FECH: variants seen among roughly 807,000 people sequenced by gnomAD.
FECH encodes ferrochelatase.
FECH carries 40 observed loss-of-function variants against 56.9 expected under a neutral mutation model. That is an observed-to-expected ratio of 0.70 (90% CI 0.55 to 0.92). The LOEUF (loss-of-function observed/expected upper bound fraction) is 0.92. Ranked by LOEUF, FECH falls within the 40% of genes least tolerant of loss-of-function variation. The pLI is 0.00. For missense variants in FECH, 431 were observed against 529.1 expected, an observed-to-expected ratio of 0.81 and a Z score of 1.82; for synonymous variants, 175 against 198.6, an observed-to-expected ratio of 0.88 and a Z score of 1.00.
rs2050742342 is a variant in FECH, at chr18:57,548,066, C to T, written c.*2646G>A. ...AGGAGTTCAAGACCAGCCTGGACAA[C>T]ATGGCAAAACCCCATCTCTACAAAA... On this transcript the variant is annotated 3_prime_UTR_variant, in exon 11 of 11. Transcript: ENST00000262093. Among the ~76,000 whole-genome samples the T allele has an allele frequency of 6.6e-6, 1 of 151,880 alleles. No individual in the cohort carries two copies. Among genetic ancestry groups the T allele is most frequent in the Admixed American group, 6.6e-5 (1 of 15,252 alleles).
At chr18:57,559,357 A>C in intron 6 of FECH, 114 bp from the exon 7 acceptor site, 1 of 743,850 alleles carries the variant, frequency 1.3e-6, no homozygotes, top group South Asian at 1.5e-5. Context: ...AACCCTCAAA[A>C]ATCCGAACTC....
rs143122979 is a variant in FECH, at chr18:57,563,093, A to T, written c.599-113T>A. ...AAAGCAGGTAACTGCTTCTTTACTG[A>T]ATCAGTCTAATTACAATCATTTCAA... On this transcript the variant is annotated intron_variant, in intron 5 of 10. Transcript: ENST00000262093. 357 of 781,488 alleles carry T rather than the reference A, an allele frequency of 4.6e-4. 4 individuals are homozygous for T. In the African/African-American group the frequency reaches 5.3e-3, roughly 12 times the overall value. 48.4% of individuals were successfully genotyped at this position (781,488 alleles called of 1,614,324 possible).
At chr18:57,561,339 C>T (rs558826319) in intron 6 of FECH, among the ~76,000 whole-genome samples, 1 of 152,152 alleles carries the variant, frequency 6.6e-6, no homozygotes, top group Non-Finnish European at 1.5e-5. Flanking sequence ...AATGTCATAT[C>T]GTATCCAAAG....
chr18:57,584,962 GA>G (rs961405642), intron 1 of FECH, among the ~76,000 whole-genome samples: 9 of 149,234 alleles, frequency 6.0e-5, no homozygotes, highest in African/African-American at 2.2e-4. Flanking sequence ...AGTGAACTAT[GA>G]TGGCACCACC....
intron 7 of FECH, among the ~76,000 whole-genome samples, chr18:57,558,619 T>G (rs1377765293): frequency 6.6e-6 from 1 of 152,196 alleles, no homozygotes; most frequent in Non-Finnish European, 1.5e-5. Context: ...CTTCAAGTTA[T>G]CATTTTAAAG....
At chr18:57,573,461 T>C (rs935347082) in intron 2 of FECH, 96 bp from the exon 3 acceptor site, 50 of 1,430,882 alleles carry the variant, frequency 3.5e-5, no homozygotes, top group Middle Eastern at 1.8e-4. Context: ...ATCTGTTCCA[T>C]ACAAAGGTAA....
At chr18:57,569,665 C>T (rs1317037335) in intron 4 of FECH, among the ~76,000 whole-genome samples, 4 of 152,070 alleles carry the variant, frequency 2.6e-5, no homozygotes, top group Non-Finnish European at 4.4e-5. Context: ...TCAAGCAATC[C>T]TTCTGCTTCA....
chr18:57,569,806 T>C (rs2051070131), intron 4 of FECH, among the ~76,000 whole-genome samples: 1 of 151,882 alleles, frequency 6.6e-6, no homozygotes, highest in Non-Finnish European at 1.5e-5. Flanking sequence ...AGAGACAGCA[T>C]AGCAATTGCA....
At chr18:57,584,325 CAAAAAAAAAAA>C (rs11383428) in intron 1 of FECH, among the ~76,000 whole-genome samples, 1 of 99,884 alleles carries the variant, frequency 1.0e-5, no homozygotes, top group South Asian at 3.9e-4. Context: ...GACTCGGTCT[CAAAAAAAAAAA>C]AAAAAAAAAC....
chr18:57,559,342 A>G (rs1211594045), intron 6 of FECH, 99 bp from the exon 7 acceptor site: 1 of 845,582 alleles, frequency 1.2e-6, no homozygotes, highest in Non-Finnish European at 2.0e-6. Flanking sequence ...CAAAAATCTC[A>G]GAGCAACCCT....
chr18:57,559,879 A>G (rs1790613), intron 6 of FECH, among the ~76,000 whole-genome samples: 93,590 of 152,006 alleles, frequency 0.62, 29,160 homozygotes, highest in African/African-American at 0.69. Flanking sequence ...GTGGAACTTG[A>G]GAAAGAACAT....
intron 2 of FECH, among the ~76,000 whole-genome samples, chr18:57,579,289 A>ATGTGTGTG (rs71171043): frequency 2.0e-4 from 29 of 141,994 alleles, no homozygotes; most frequent in African/African-American, 6.9e-4. Flanking sequence ...GTGTGTATAT[A>ATGTGTGTG]TGTGTGTGTG....
At chr18:57,560,099 ATG>A (rs1568145806) in intron 6 of FECH, among the ~76,000 whole-genome samples, 1 of 152,242 alleles carries the variant, frequency 6.6e-6, no homozygotes, top group African/African-American at 2.4e-5. Flanking sequence ...CAGAATATGA[ATG>A]TAAATTAAGT....
intron 4 of FECH, among the ~76,000 whole-genome samples, chr18:57,567,269 C>A (rs474264): frequency 1 from 152,373 of 152,374 alleles, 76,186 homozygotes; most frequent in Non-Finnish European, 1. Flanking sequence ...ACAGTGCTTA[C>A]TTTGGAGGTG....
At chr18:57,565,328 G>A (rs2051001893) in intron 5 of FECH, among the ~76,000 whole-genome samples, 1 of 152,200 alleles carries the variant, frequency 6.6e-6, no homozygotes, top group Non-Finnish European at 1.5e-5. Context: ...AATTCAGGCT[G>A]AGTGCGGTGG....
chr18:57,580,225 T>C lies in FECH; in HGVS notation c.68-26A>G, dbSNP rs374773817. 285 of 1,614,030 alleles carry C rather than the reference T, an allele frequency of 1.8e-4. No homozygotes were observed. The African/African-American group carries it at 3.5e-3, about 20-fold the overall frequency. The stretch of plus-strand genomic sequence containing the variant: ...CTGTGACAAAATTAAAGTGCTCGCA[T>C]GAAATCTAGCTAGAAAGTAATTTCT... On this transcript the variant is annotated intron_variant, in intron 1 of 10. Coordinates refer to ENST00000262093, the MANE Select transcript of FECH (RefSeq NM_000140.5).
In FECH at chr18:57,547,791, C is replaced by T. The variant is rs903355475; in HGVS notation, c.*2921G>A. 2.6e-5 allele frequency among the ~76,000 whole-genome samples: 4 copies of T among 152,078 alleles called. No individual in the cohort carries two copies. The highest frequency in any genetic ancestry group is 6.6e-5 in the Admixed American group (1 of 15,256). On this transcript the variant is annotated 3_prime_UTR_variant, in exon 11 of 11. Coordinates refer to ENST00000262093, the MANE Select transcript of FECH (RefSeq NM_000140.5). ...GGAACTACAGGCATGTGACACTACA[C>T]CCAGTTAATTTTTACTTTATTTTTT... is the stretch of plus-strand genomic sequence containing the variant.
intron 6 of FECH, among the ~76,000 whole-genome samples, chr18:57,561,085 T>G (rs2050938398): frequency 6.6e-6 from 1 of 152,156 alleles, no homozygotes; most frequent in Non-Finnish European, 1.5e-5. Context: ...CAGAAAGGAT[T>G]ATTTTTGGAC....
chr18:57,584,862 G>A (rs317813), intron 1 of FECH, among the ~76,000 whole-genome samples: 60,840 of 136,386 alleles, frequency 0.45, 14,133 homozygotes, highest in East Asian at 0.66. Context: ...AAATGTTTGG[G>A]GGGCCAGGCA....
Sources: gnomAD v4.1 joint callset for allele counts (sites outside exome capture counted in the v4.1 genomes callset) on GRCh38, gnomAD v4.1.1 for gene constraint, MANE v1.5 for transcripts, NCBI Gene and HGNC (gene_info 2026-07-23, HGNC 2026-07-21) for gene names.